ROBO2: variants seen among roughly 807,000 people sequenced by gnomAD.
ROBO2 encodes the protein roundabout homolog 2.
In ROBO2, 53 loss-of-function variants were observed where a neutral mutation model predicts 160.8. The ratio of observed to expected loss-of-function variants is 0.33; its 90% confidence interval spans 0.26 to 0.41. The LOEUF (loss-of-function observed/expected upper bound fraction) is 0.41, where lower values mean the gene tolerates loss of function less well. ROBO2 is among the 10% of genes least tolerant of loss of function. The pLI, the probability that ROBO2 is intolerant of heterozygous loss-of-function variation, is 1.00. For missense variants in ROBO2, 1,577 were observed against 1,722.4 expected (o/e 0.92, Z 1.49); for synonymous variants, 664 against 611.7 (o/e 1.09, Z -1.26).
intron 2 of ROBO2, among the ~76,000 whole-genome samples, chr3:76,326,377 C>A (rs1576443860): frequency 6.6e-6 from 1 of 151,970 alleles, no homozygotes; most frequent in Non-Finnish European, 1.5e-5. Context: ...TGTTCACATG[C>A]ATGTAGATAG....
intron 2 of ROBO2, among the ~76,000 whole-genome samples, chr3:76,614,974 A>G (rs1313765581): frequency 6.6e-6 from 1 of 152,088 alleles, no homozygotes; most frequent in African/African-American, 2.4e-5. Flanking sequence ...AATGATTTCT[A>G]CTTGTTGACA....
intron 2 of ROBO2, among the ~76,000 whole-genome samples, chr3:76,618,962 A>T (rs2088824984): frequency 6.6e-6 from 1 of 151,882 alleles, no homozygotes; most frequent in Non-Finnish European, 1.5e-5. Context: ...CACTAAAAAG[A>T]AATAATTTTT....
intron 1 of ROBO2, among the ~76,000 whole-genome samples, chr3:75,918,320 G>C (rs572116429): frequency 6.6e-6 from 1 of 152,078 alleles, no homozygotes; most frequent in African/African-American, 2.4e-5. Context: ...CTTTTGTCAG[G>C]TTTGTTGAAG....
At chr3:76,181,357 A>C (rs1473100497) in intron 2 of ROBO2, among the ~76,000 whole-genome samples, 2 of 151,298 alleles carry the variant, frequency 1.3e-5, no homozygotes, top group Non-Finnish European at 3.0e-5. Flanking sequence ...ATATCTAAGA[A>C]TATGTCTACT....
chr3:76,624,218 T>C (rs950751510), intron 2 of ROBO2, among the ~76,000 whole-genome samples: 3 of 152,220 alleles, frequency 2.0e-5, no homozygotes, highest in African/African-American at 7.2e-5. Flanking sequence ...GAATTTAGGA[T>C]ATAAGGATTG....
chr3:76,000,230 T>G (rs952966823), intron 2 of ROBO2, among the ~76,000 whole-genome samples: 4 of 152,262 alleles, frequency 2.6e-5, no homozygotes, highest in Non-Finnish European at 4.4e-5. Context: ...ATTTTACAAA[T>G]GAAGAAGATG....
rs115769057 is a variant in ROBO2 at position 75,998,812 on chromosome 3, C to T, written c.109+61210C>T. Among the ~76,000 whole-genome samples, 233 of 152,194 alleles carry T rather than the reference C, an allele frequency of 1.5e-3. 3 individuals carry two copies. The highest frequency in any genetic ancestry group is 5.2e-3 in the African/African-American group (217 of 41,512). ...AATAATTAGTAAGGACTGTGATGTCCAATAAGGCAAGCAATGAATTCTCTC... is the reference window on the plus strand; with the variant it reads ...AATAATTAGTAAGGACTGTGATGTCTAATAAGGCAAGCAATGAATTCTCTC... On this transcript the variant is annotated intron_variant, in intron 2 of 26. Transcript: ENST00000487694.
intron 2 of ROBO2, among the ~76,000 whole-genome samples, chr3:76,839,475 T>A (rs1380912833): frequency 1.3e-5 from 2 of 152,214 alleles, no homozygotes; most frequent in Admixed American, 1.3e-4. Flanking sequence ...GTTGATTGAT[T>A]TGCATATGTT....
At chr3:75,915,565 A>G (rs951242778) in intron 1 of ROBO2, among the ~76,000 whole-genome samples, 2 of 152,196 alleles carry the variant, frequency 1.3e-5, no homozygotes, top group Non-Finnish European at 1.5e-5. Context: ...AATTTGCAAT[A>G]TGAGGCTTTT....
chr3:77,549,938 T>C (rs893096401), intron 7 of ROBO2, among the ~76,000 whole-genome samples: 7 of 151,906 alleles, frequency 4.6e-5, no homozygotes, highest in African/African-American at 1.7e-4. Flanking sequence ...AAAATTGATA[T>C]CTCCTTATTT....
chr3:76,477,964 C>A (rs957829053), intron 2 of ROBO2, among the ~76,000 whole-genome samples: 1 of 151,958 alleles, frequency 6.6e-6, no homozygotes, highest in African/African-American at 2.4e-5. Context: ...ATTCAAAAAA[C>A]TTCTCAGCCT....
Position 77,290,894 on chromosome 3 carries a change from G to A in ROBO2, c.389-186520G>A, listed in dbSNP as rs574230342. ...GTAAAATTGACGGTTAAACGGGTAA[G>A]CTGAGGCTAGATCACCCCAGACATA... On this transcript the variant is annotated intron_variant, in intron 2 of 25. Coordinates refer to ENST00000461745, the Ensembl canonical transcript of ROBO2. 3.7e-3 allele frequency among the ~76,000 whole-genome samples: 301 copies of A among 81,794 alleles called. 2 individuals carry two copies. The highest frequency in any genetic ancestry group is 8.9e-3 in the African/African-American group (280 of 31,408). The allele number at this position is 81,794 out of a possible 152,430, so 53.7% of individuals were successfully genotyped here.
intron 2 of ROBO2, among the ~76,000 whole-genome samples, chr3:76,066,449 A>C (rs1048103598): frequency 6.6e-6 from 1 of 152,126 alleles, no homozygotes; most frequent in African/African-American, 2.4e-5. Flanking sequence ...ATGAAACCAA[A>C]TATTTTTTAT....
At chr3:77,616,642 A>T (rs2094784531) in intron 21 of ROBO2, among the ~76,000 whole-genome samples, 1 of 152,100 alleles carries the variant, frequency 6.6e-6, no homozygotes, top group Non-Finnish European at 1.5e-5. Flanking sequence ...AATATTATTT[A>T]TCTTTTCCTT....
chr3:76,942,103 A>G (rs1403650529), intron 2 of ROBO2, among the ~76,000 whole-genome samples: 1 of 152,228 alleles, frequency 6.6e-6, no homozygotes, highest in East Asian at 1.9e-4. Context: ...TGAAATTCAT[A>G]TATGTGAAGA....
chr3:76,852,271 T>A (rs1033955359), intron 2 of ROBO2, among the ~76,000 whole-genome samples: 8 of 152,250 alleles, frequency 5.3e-5, no homozygotes, highest in African/African-American at 1.9e-4. Context: ...TCATACCTTC[T>A]GAATATGGAC....
At chr3:76,202,146 C>T (rs1389149749) in intron 2 of ROBO2, among the ~76,000 whole-genome samples, 1 of 152,148 alleles carries the variant, frequency 6.6e-6, no homozygotes, top group Non-Finnish European at 1.5e-5. Flanking sequence ...TGGACATCTT[C>T]ACAATATTTT....
At chr3:76,219,547 T>C (rs1336114187) in intron 2 of ROBO2, among the ~76,000 whole-genome samples, 2 of 152,158 alleles carry the variant, frequency 1.3e-5, no homozygotes, top group African/African-American at 2.4e-5. Context: ...AAAGAAGACA[T>C]TTATGCAGCC....
intron 2 of ROBO2, among the ~76,000 whole-genome samples, chr3:76,945,094 T>A (rs1165306773): frequency 1.3e-5 from 2 of 152,012 alleles, no homozygotes; most frequent in Non-Finnish European, 2.9e-5. Context: ...TTCACTGTGT[T>A]AGCCAGGATG....
Sources: allele counts gnomAD v4.1 joint callset (sites outside exome capture counted in the v4.1 genomes callset), GRCh38; gene constraint gnomAD v4.1.1; transcripts MANE v1.5; gene names NCBI Gene and HGNC (gene_info 2026-07-23, HGNC 2026-07-21).